PCDH7: variants seen among roughly 807,000 people sequenced by gnomAD.
The protein encoded by PCDH7 is protocadherin 7.
PCDH7 carries 17 observed loss-of-function variants against 58.9 expected under a neutral mutation model. The observed-to-expected ratio is 0.29, with a 90% CI of 0.20 to 0.43. The LOEUF is 0.43. Ranked by LOEUF, PCDH7 falls within the 20% of genes least tolerant of loss-of-function variation. PCDH7 has a pLI of 1.00. For missense variants in PCDH7, 1,274 were observed against 1,441.0 expected (o/e 0.88, Z 1.88); for synonymous variants, 664 against 616.4 (o/e 1.08, Z -1.14).
chr4:30,722,038 T>C lies in PCDH7; in HGVS notation c.616T>C (p.Tyr206His). 8.1e-7 allele frequency: 1 copy of C among 1,238,948 alleles called. No homozygotes were observed. Among genetic ancestry groups the C allele is most frequent in the Non-Finnish European group, 1.0e-6 (1 of 992,116 alleles). 76.7% of individuals were successfully genotyped at this position (1,238,948 alleles called of 1,614,324 possible). Reference sequence around the variant, plus strand: ...CGCCGGGGCGGCCGACAGCGCCCCCTACCCCGGGGGCGGCGGGAACGGCGC... The same window carrying C: ...CGCCGGGGCGGCCGACAGCGCCCCCCACCCCGGGGGCGGCGGGAACGGCGC... The change falls in exon 1 of 2, where the codon TAC (tyrosine) becomes CAC (histidine). Residue 206 changes from tyrosine (Y) to histidine (H), a missense_variant. Tyr to His is a moderately conservative substitution (Grantham distance 83). Coordinates refer to ENST00000361762, the Ensembl canonical transcript of PCDH7. The surrounding 1 kb of genome is among the most constrained non-coding windows in gnomAD (Gnocchi z 7.6).
intron 1 of PCDH7, among the ~76,000 whole-genome samples, chr4:30,763,455 G>C (rs919684763): frequency 3.3e-5 from 5 of 152,094 alleles, no homozygotes; most frequent in Admixed American, 3.3e-4. Context: ...CTCTTAAATT[G>C]GCCATATAAA....
chr4:31,116,270 G>A (rs1167598172), intron 3 of PCDH7, among the ~76,000 whole-genome samples: 1 of 152,162 alleles, frequency 6.6e-6, no homozygotes, highest in Non-Finnish European at 1.5e-5. Context: ...AAAGCATGAG[G>A]CATCTTTAGT....
chr4:30,966,956 G>T (rs1008719085), intron 3 of PCDH7, among the ~76,000 whole-genome samples: 3 of 152,028 alleles, frequency 2.0e-5, no homozygotes, highest in African/African-American at 7.2e-5. Flanking sequence ...ACTTCTCTAT[G>T]CCTCAGTTTC....
At chr4:31,096,145 G>A (rs1713946200) in intron 3 of PCDH7, among the ~76,000 whole-genome samples, 1 of 152,086 alleles carries the variant, frequency 6.6e-6, no homozygotes, top group Admixed American at 6.6e-5. Context: ...ATGCCCCCTA[G>A]GCCCCAAGTT....
chr4:30,845,368 A>G (rs1412330520), intron 1 of PCDH7, among the ~76,000 whole-genome samples: 3 of 152,180 alleles, frequency 2.0e-5, no homozygotes, highest in Non-Finnish European at 4.4e-5. Flanking sequence ...GAAAATTTGT[A>G]GGAAATTTGC....
rs1420280538 is a variant in PCDH7, at chr4:30,858,608, C to A, written c.71-61545C>A. 2.0e-5 allele frequency among the ~76,000 whole-genome samples: 3 copies of A among 152,094 alleles called. No individual in the cohort carries two copies. The East Asian group carries it at 5.8e-4, about 29-fold the overall frequency. On this transcript the variant is annotated intron_variant, in intron 1 of 3. Coordinates refer to the PCDH7 transcript ENST00000509759. ...AAATACCACAATTATTTTAGAAATA[C>A]CTTTCTGCACATATAAGTTATATTG...
At chr4:30,742,238 A>G (rs1717173639) in intron 1 of PCDH7, among the ~76,000 whole-genome samples, 1 of 152,174 alleles carries the variant, frequency 6.6e-6, no homozygotes, top group Admixed American at 6.5e-5. Context: ...CCTAGTGGCA[A>G]ATAATCATGT....
intron 3 of PCDH7, among the ~76,000 whole-genome samples, chr4:30,995,246 G>C (rs979320575): frequency 3.9e-5 from 6 of 152,082 alleles, no homozygotes; most frequent in Non-Finnish European, 5.9e-5. Context: ...GGCCCAGCAC[G>C]GTGGCTCATG....
At chr4:30,841,501 A>G (rs372149069) in intron 1 of PCDH7, among the ~76,000 whole-genome samples, 2 of 152,162 alleles carry the variant, frequency 1.3e-5, no homozygotes, top group Non-Finnish European at 2.9e-5. Context: ...AGTTTAATCT[A>G]TCTAAAGCAT....
At chr4:30,972,576 G>A (rs2109474664) in intron 3 of PCDH7, among the ~76,000 whole-genome samples, 1 of 152,208 alleles carries the variant, frequency 6.6e-6, no homozygotes, top group South Asian at 2.1e-4. Context: ...AAAGAGTGAG[G>A]TAATCAAGAC....
intron 2 of PCDH7, among the ~76,000 whole-genome samples, chr4:30,939,627 T>C (rs895686943): frequency 6.6e-6 from 1 of 152,176 alleles, no homozygotes; most frequent in Non-Finnish European, 1.5e-5. Flanking sequence ...GAAAGTTATA[T>C]ATCTGATGAT....
At chr4:30,920,476 C>T (rs1409861097) in intron 2 of PCDH7, 107 bp downstream of exon 2, 3 of 595,370 alleles carry the variant, frequency 5.0e-6, no homozygotes, top group Non-Finnish European at 7.7e-6. Context: ...ACATTAAAAC[C>T]ATTTTATTTT....
At chr4:31,004,333 T>G (rs1354313199) in intron 3 of PCDH7, among the ~76,000 whole-genome samples, 1 of 152,072 alleles carries the variant, frequency 6.6e-6, no homozygotes, top group Non-Finnish European at 1.5e-5. Flanking sequence ...GATAGCTCAT[T>G]TACAATGCAC....
chr4:30,846,553 G>C (rs1731989990), intron 1 of PCDH7, among the ~76,000 whole-genome samples: 1 of 151,634 alleles, frequency 6.6e-6, no homozygotes, highest in African/African-American at 2.4e-5. Flanking sequence ...AATGGACTAA[G>C]ACAATTATTA....
chr4:31,016,961 TTGTG>T (rs1241091310), intron 3 of PCDH7, among the ~76,000 whole-genome samples: 1 of 149,698 alleles, frequency 6.7e-6, no homozygotes, highest in Non-Finnish European at 1.5e-5. Context: ...GTGTATGTGT[TTGTG>T]TGTGTGTGTG....
At chr4:30,852,829 G>GA (rs58210433) in intron 1 of PCDH7, among the ~76,000 whole-genome samples, 18,734 of 74,324 alleles carry the variant, frequency 0.25, 2,185 homozygotes, top group African/African-American at 0.34. Context: ...TCAAGCACAG[G>GA]AAAAAAAAAA....
intron 1 of PCDH7, chr4:30,725,319 T>C (rs1714459640): frequency 1.0e-6 from 1 of 985,954 alleles, no homozygotes; most frequent in South Asian, 4.7e-5. Context: ...CAAAAATACA[T>C]TGCATGAGCC....
chr4:31,087,204 C>A (rs536895579), intron 3 of PCDH7, among the ~76,000 whole-genome samples: 1 of 152,044 alleles, frequency 6.6e-6, no homozygotes, highest in African/African-American at 2.4e-5. Flanking sequence ...TACATCAGTA[C>A]GTCAACTGCT....
intron 1 of PCDH7, among the ~76,000 whole-genome samples, chr4:30,887,178 A>G (rs1426111572): frequency 6.6e-6 from 1 of 152,184 alleles, no homozygotes; most frequent in African/African-American, 2.4e-5. Context: ...TTCTTGGCAA[A>G]CATAGCAGTA....
Sources: gnomAD v4.1 joint callset for allele counts (sites outside exome capture counted in the v4.1 genomes callset) on GRCh38, gnomAD v4.1.1 for gene constraint, Gnocchi (gnomAD v3.1) non-coding constraint, MANE v1.5 for transcripts, NCBI Gene and HGNC (gene_info 2026-07-23, HGNC 2026-07-21) for gene names.